CTCF: variants seen among roughly 807,000 people sequenced by gnomAD.
CTCF encodes transcriptional repressor CTCF.
CTCF carries 7 observed loss-of-function variants against 72.3 expected under a neutral mutation model. The observed-to-expected ratio is 0.10, with a 90% CI of 0.06 to 0.18. The LOEUF (loss-of-function observed/expected upper bound fraction) is 0.18, where lower values mean the gene tolerates loss of function less well. Among genes scored for constraint, CTCF ranks in the 10% least tolerant of loss-of-function variants. The pLI is 1.00. For missense variants in CTCF, 516 were observed against 949.1 expected (o/e 0.54, Z 6.00); for synonymous variants, 374 against 315.8 (o/e 1.18, Z -1.95).
In CTCF at chr16:67,610,689, C is replaced by T. The variant is rs2052050116; in HGVS notation, c.-9-135C>T. On this transcript the variant is annotated intron_variant, in intron 2 of 11. Transcript: ENST00000264010. ...GTTTCTTTCATCAAGAGGCACATGT[C>T]TGTTGTGTCTTTTTTAATATTAACA... 1.4e-5 allele frequency: 8 copies of T among 561,050 alleles called. No individual in the cohort carries two copies. The East Asian group carries it at 2.6e-4, about 18-fold the overall frequency. The allele number at this position is 561,050 out of a possible 1,614,324, so 34.8% of individuals were successfully genotyped here. A position where few individuals can be genotyped will look rare whatever the true frequency, so the allele number is the denominator to read the frequency against.
intron 7 of CTCF, among the ~76,000 whole-genome samples, chr16:67,623,863 C>T (rs1455681758): frequency 6.6e-6 from 1 of 152,002 alleles, no homozygotes; most frequent in African/African-American, 2.4e-5. Context: ...TCCTGGCTAA[C>T]ACAGTGAAAC....
At chr16:67,625,509 C>T (rs1035956593) in intron 7 of CTCF, among the ~76,000 whole-genome samples, 3 of 152,200 alleles carry the variant, frequency 2.0e-5, no homozygotes, top group African/African-American at 7.2e-5. Flanking sequence ...AACTCTTAGA[C>T]TTCTCAAAGC....
intron 2 of CTCF, among the ~76,000 whole-genome samples, chr16:67,606,252 A>G (rs1051972839): frequency 6.6e-6 from 1 of 152,140 alleles, no homozygotes; most frequent in Non-Finnish European, 1.5e-5. Context: ...CAGAAATCCA[A>G]ACCTTTCCCC....
At chr16:67,636,514 C>T (rs1243447082) in intron 10 of CTCF, among the ~76,000 whole-genome samples, 176 bp from the exon 11 acceptor site, 4 of 146,832 alleles carry the variant, frequency 2.7e-5, no homozygotes, top group Non-Finnish European at 4.5e-5. Context: ...CGCCACTGCA[C>T]TCCAGCCTGG....
chr16:67,600,878 T>C (rs2051877444), intron 2 of CTCF, among the ~76,000 whole-genome samples: 3 of 152,286 alleles, frequency 2.0e-5, no homozygotes, highest in Admixed American at 6.5e-5. Context: ...TTGAGTGATA[T>C]AAACTTCATT....
At chr16:67,632,912 G>A (rs928386296) in intron 10 of CTCF, among the ~76,000 whole-genome samples, 4 of 152,146 alleles carry the variant, frequency 2.6e-5, no homozygotes, top group South Asian at 4.1e-4. Context: ...TTAATAACCC[G>A]TGCTTTCTAG....
Position 67,621,414 on chromosome 16 carries a change from A to T in CTCF, c.1208-28A>T, listed in dbSNP as rs775480966. On this transcript the variant is annotated intron_variant, in intron 6 of 11. Coordinates refer to ENST00000264010, the MANE Select transcript of CTCF (RefSeq NM_006565.4). ...ATTACAGTATTTATTCATTTCATTT[A>T]TGTGTTCATTCTGTATTTTCTTTAA... 6.6e-6 allele frequency: 10 copies of T among 1,512,560 alleles called. No individual in the cohort carries two copies. In the Middle Eastern group the frequency reaches 8.6e-4, roughly 129 times the overall value. The allele number at this position is 1,512,560 out of a possible 1,614,324, so 93.7% of individuals were successfully genotyped here.
chr16:67,631,247 C>T lies in CTCF; in HGVS notation c.1837+1714C>T, dbSNP rs148170548. Among the ~76,000 whole-genome samples the T allele has an allele frequency of 2.0e-3, 296 of 149,916 alleles. 1 individual carries two copies. The highest frequency in any genetic ancestry group is 3.5e-3 in the Non-Finnish European group (239 of 67,664). Reference sequence around the variant, plus strand: ...GTAGTGCGATCTCTGCTCACTGCAACCTCCACCTTCTGGGTTCAAGCGATT... The same window carrying T: ...GTAGTGCGATCTCTGCTCACTGCAATCTCCACCTTCTGGGTTCAAGCGATT... On this transcript the variant is annotated intron_variant, in intron 10 of 11. Transcript: ENST00000264010.
chr16:67,573,424 C>T (rs1274433978), intron 2 of CTCF, among the ~76,000 whole-genome samples: 2 of 151,606 alleles, frequency 1.3e-5, no homozygotes, highest in Non-Finnish European at 1.5e-5. Context: ...AGAGCAAGAC[C>T]GTCTCAAAAA....
chr16:67,593,547 C>G (rs2051773484), intron 2 of CTCF, among the ~76,000 whole-genome samples: 1 of 152,102 alleles, frequency 6.6e-6, no homozygotes, highest in Non-Finnish European at 1.5e-5. Flanking sequence ...GCTGTGCGTT[C>G]TCTGCCTTCT....
At chr16:67,629,256 T>G (rs147878421) in intron 9 of CTCF, 142 bp from the exon 10 acceptor site, 3 of 722,138 alleles carry the variant, frequency 4.2e-6, no homozygotes, top group Non-Finnish European at 6.7e-6. Context: ...CCATTTCCCC[T>G]GAGCAGAGAC....
chr16:67,587,100 A>ATTT lies in CTCF; in HGVS notation c.-10+15857_-10+15859dup, dbSNP rs754060008. Among the ~76,000 whole-genome samples the ATTT allele has an allele frequency of 9.1e-3, 896 of 98,660 alleles. 12 individuals are homozygous for ATTT. Among genetic ancestry groups the ATTT allele is most frequent in the Non-Finnish European group, 0.012 (603 of 49,124 alleles). 64.7% of individuals were successfully genotyped at this position (98,660 alleles called of 152,430 possible). On this transcript the variant is annotated intron_variant, in intron 2 of 11. Transcript: ENST00000264010. ...TTTTAGGGTAGGTAACTTCTTAAAC[A>ATTT]TTTTTTTTTTTTTTTTTTTTTTTGG...
At chr16:67,622,294 T>TG (rs1441721659) in intron 7 of CTCF, among the ~76,000 whole-genome samples, 1 of 151,134 alleles carries the variant, frequency 6.6e-6, no homozygotes, top group Non-Finnish European at 1.5e-5. Context: ...AGGTGGAGCT[T>TG]GCAGTGAGCA....
chr16:67,626,210 C>T (rs552314938), intron 7 of CTCF, among the ~76,000 whole-genome samples: 28 of 151,880 alleles, frequency 1.8e-4, no homozygotes, highest in South Asian at 4.2e-4. Context: ...GAGGCCGAGG[C>T]GGGCAGATCA....
chr16:67,577,145 G>A (rs145713894), intron 2 of CTCF, among the ~76,000 whole-genome samples: 4,991 of 152,006 alleles, frequency 0.033, 129 homozygotes, highest in South Asian at 0.059. Context: ...TGGGCCGGGC[G>A]TGGTGGCTCA....
chr16:67,577,809 A>T (rs1364871585), intron 2 of CTCF, among the ~76,000 whole-genome samples: 2 of 152,144 alleles, frequency 1.3e-5, no homozygotes, highest in African/African-American at 4.8e-5. Flanking sequence ...TGCAGCCAGG[A>T]GGAGAGTAAG....
intron 2 of CTCF, among the ~76,000 whole-genome samples, chr16:67,603,443 G>C (rs565081979): frequency 6.6e-6 from 1 of 151,896 alleles, no homozygotes; most frequent in East Asian, 1.9e-4. Flanking sequence ...TGAGGTGGGA[G>C]AATGGCATGA....
chr16:67,566,879 T>G, intron 1 of CTCF, among the ~76,000 whole-genome samples: 1 of 139,452 alleles, frequency 7.2e-6, no homozygotes, highest in South Asian at 2.3e-4. Context: ...CCTGTGGGGT[T>G]TGTTTGTTTG....
At chr16:67,619,406 A>T (rs922008046) in intron 5 of CTCF, among the ~76,000 whole-genome samples, 1 of 152,214 alleles carries the variant, frequency 6.6e-6, no homozygotes, top group South Asian at 2.1e-4. Context: ...AGTGTACTCC[A>T]GCCTGGGCAA....
Sources: allele counts gnomAD v4.1 joint callset (sites outside exome capture counted in the v4.1 genomes callset), GRCh38; gene constraint gnomAD v4.1.1; transcripts MANE v1.5; gene names NCBI Gene and HGNC (gene_info 2026-07-23, HGNC 2026-07-21).